The following FHOD3 variants were observed in gnomAD, a reference collection of about 807,000 sequenced individuals.
FHOD3 encodes the protein FH1/FH2 domain-containing protein 3.
FHOD3 carries 90 observed loss-of-function variants against 173.0 expected under a neutral mutation model. That is an observed-to-expected ratio of 0.52 (90% CI 0.44 to 0.62). The LOEUF (loss-of-function observed/expected upper bound fraction) is 0.62, where lower values mean the gene tolerates loss of function less well. Among genes scored for constraint, FHOD3 ranks in the 20% least tolerant of loss-of-function variants. FHOD3 has a pLI of 0.00. For synonymous variants in FHOD3, 828 were observed against 823.0 expected (o/e 1.01, Z -0.10); for missense variants, 1,945 against 2,034.7 (o/e 0.96, Z 0.85).
intron 4 of FHOD3, among the ~76,000 whole-genome samples, chr18:36,502,285 CA>C (rs2055078092): frequency 6.6e-6 from 1 of 150,932 alleles, no homozygotes. Context: ...TTCTGGGACA[CA>C]TGTGCAAAAT....
intron 19 of FHOD3, among the ~76,000 whole-genome samples, chr18:36,720,747 T>TCTTCTCCTCCTGCTC (rs2040730870): frequency 1.0e-5 from 1 of 99,958 alleles, no homozygotes; most frequent in Admixed American, 1.0e-4. Flanking sequence ...TCCTCCTCCT[T>TCTTCTCCTCCTGCTC]CTTCTCCTCC....
chr18:36,405,159 A>G (rs1376203055), intron 3 of FHOD3, among the ~76,000 whole-genome samples: 1 of 152,200 alleles, frequency 6.6e-6, no homozygotes, highest in African/African-American at 2.4e-5. Context: ...AGAAAGAGAA[A>G]TGGACATGTG....
intron 9 of FHOD3, among the ~76,000 whole-genome samples, chr18:36,619,509 A>C (rs987422467): frequency 2.0e-5 from 3 of 152,244 alleles, no homozygotes; most frequent in African/African-American, 7.2e-5. Context: ...TTGATTGCTG[A>C]AAACAGCACT....
At chr18:36,382,036 C>T (rs1474985058) in intron 3 of FHOD3, among the ~76,000 whole-genome samples, 3 of 152,306 alleles carry the variant, frequency 2.0e-5, no homozygotes, top group African/African-American at 7.2e-5. Flanking sequence ...GGCAGGGCTC[C>T]ATGGTGCCAG....
intron 10 of FHOD3, among the ~76,000 whole-genome samples, chr18:36,632,615 G>A (rs143952067): frequency 4.6e-4 from 70 of 152,154 alleles, no homozygotes; most frequent in African/African-American, 1.4e-3. Flanking sequence ...GTCCCGTCCC[G>A]TGTGGCTTTT....
chr18:36,467,433 A>G (rs1200783893), intron 3 of FHOD3, among the ~76,000 whole-genome samples: 1 of 151,866 alleles, frequency 6.6e-6, no homozygotes, highest in Non-Finnish European at 1.5e-5. Context: ...CATTAATACC[A>G]CCTTGTGGTT....
intron 1 of FHOD3, among the ~76,000 whole-genome samples, chr18:36,323,426 G>A (rs2044503885): frequency 6.6e-6 from 1 of 152,200 alleles, no homozygotes; most frequent in Non-Finnish European, 1.5e-5. Flanking sequence ...CTGGAATGCT[G>A]TGGCCTTTGC....
chr18:36,562,741 C>A (rs1471452393), intron 5 of FHOD3, among the ~76,000 whole-genome samples: 1 of 152,190 alleles, frequency 6.6e-6, no homozygotes, highest in African/African-American at 2.4e-5. Context: ...CAAGCACAGC[C>A]TTTAAAGTAA....
intron 5 of FHOD3, among the ~76,000 whole-genome samples, chr18:36,549,995 T>G (rs78851201): frequency 0.012 from 1,845 of 151,936 alleles, 43 homozygotes; most frequent in African/African-American, 0.041. Flanking sequence ...GATCAAAGTT[T>G]TATGTCGTTC....
intron 28 of FHOD3, among the ~76,000 whole-genome samples, chr18:36,769,856 A>T (rs1260139402): frequency 6.6e-6 from 1 of 152,134 alleles, no homozygotes; most frequent in Non-Finnish European, 1.5e-5. Flanking sequence ...TCCTGGGTTC[A>T]TCGCTGCCCA....
At chr18:36,383,067 A>G (rs953949001) in intron 3 of FHOD3, among the ~76,000 whole-genome samples, 1 of 152,164 alleles carries the variant, frequency 6.6e-6, no homozygotes, top group Non-Finnish European at 1.5e-5. Context: ...TCTGATTATT[A>G]ACAGGGTGGG....
chr18:36,300,340 C>T (rs1174595278), intron 1 of FHOD3, among the ~76,000 whole-genome samples: 2 of 152,128 alleles, frequency 1.3e-5, no homozygotes, highest in African/African-American at 2.4e-5. Flanking sequence ...GGGGTTCACC[C>T]GGTCACCTTC....
At chr18:36,423,261 G>A (rs921985816) in intron 3 of FHOD3, among the ~76,000 whole-genome samples, 1 of 152,144 alleles carries the variant, frequency 6.6e-6, no homozygotes, top group African/African-American at 2.4e-5. Flanking sequence ...ATGATTTAAT[G>A]CCATGATTAC....
At chr18:36,403,509 C>T (rs1004710894) in intron 3 of FHOD3, among the ~76,000 whole-genome samples, 6 of 152,132 alleles carry the variant, frequency 3.9e-5, no homozygotes, top group Non-Finnish European at 7.3e-5. Context: ...CATACATGCT[C>T]TCAGAATGGA....
chr18:36,667,874 T>C (rs1474342418), intron 14 of FHOD3, among the ~76,000 whole-genome samples: 2 of 152,188 alleles, frequency 1.3e-5, no homozygotes, highest in Non-Finnish European at 2.9e-5. Flanking sequence ...TTGTAATCTA[T>C]GGAACCACTA....
rs750716412 is a variant in FHOD3, at chr18:36,576,562, G to T, written c.606+17G>T. 2 of 1,590,320 alleles carry T rather than the reference G, an allele frequency of 1.3e-6. No individual in the cohort carries two copies. Among genetic ancestry groups the T allele is most frequent in the East Asian group, 2.3e-5 (1 of 44,394 alleles). ...GGGTCAAAGGTAAGGGGAAGTTATGGTTGACTGTTTTGTTCACTTGTCATA... is the reference window on the plus strand; with the variant it reads ...GGGTCAAAGGTAAGGGGAAGTTATGTTTGACTGTTTTGTTCACTTGTCATA... On this transcript the variant is annotated intron_variant, in intron 6 of 28. Coordinates refer to ENST00000590592, the MANE Select transcript of FHOD3 (RefSeq NM_001281740.3).
chr18:36,634,582 A>G (rs181509538), intron 10 of FHOD3, among the ~76,000 whole-genome samples: 3 of 152,238 alleles, frequency 2.0e-5, no homozygotes, highest in African/African-American at 7.2e-5. Flanking sequence ...TATGACGTTA[A>G]TCTACAAAAT....
intron 5 of FHOD3, among the ~76,000 whole-genome samples, chr18:36,513,047 G>A (rs1267488389): frequency 6.6e-6 from 1 of 152,140 alleles, no homozygotes; most frequent in South Asian, 2.1e-4. Flanking sequence ...TTTAAAGAGC[G>A]ATTCTGATTT....
chr18:36,762,005 G>A (rs903794767), intron 27 of FHOD3, among the ~76,000 whole-genome samples: 1 of 151,920 alleles, frequency 6.6e-6, no homozygotes, highest in African/African-American at 2.4e-5. Context: ...AGACATTTTC[G>A]TAGGCTCTAA....
Sources: allele counts gnomAD v4.1 joint callset (sites outside exome capture counted in the v4.1 genomes callset), GRCh38; gene constraint gnomAD v4.1.1; transcripts MANE v1.5; gene names NCBI Gene and HGNC (gene_info 2026-07-23, HGNC 2026-07-21).